The following CHRM3 variants were observed in gnomAD, a reference collection of about 807,000 sequenced individuals.
The protein encoded by CHRM3 is muscarinic acetylcholine receptor M3.
Under a neutral mutation model 41.8 loss-of-function variants are expected in CHRM3, and 11 were observed. That is an observed-to-expected ratio of 0.26 (90% CI 0.17 to 0.44). The LOEUF (loss-of-function observed/expected upper bound fraction) is 0.44, where lower values mean the gene tolerates loss of function less well. CHRM3 is among the 20% of genes least tolerant of loss of function. The pLI is 1.00. For missense variants in CHRM3, 571 were observed against 745.4 expected (o/e 0.77, Z 2.72); for synonymous variants, 297 against 301.4 (o/e 0.99, Z 0.15).
chr1:239,653,607 G>A (rs1234117491), intron 4 of CHRM3, among the ~76,000 whole-genome samples: 7 of 152,136 alleles, frequency 4.6e-5, no homozygotes, highest in African/African-American at 1.7e-4. Context: ...TTTCAAAAAC[G>A]GTCTGAACTT....
rs532997435 is a variant in CHRM3 at position 239,632,236 on chromosome 1, G to A, written c.-300G>A. 7 of 152,236 alleles carry A rather than the reference G, an allele frequency of 4.6e-5. No homozygotes were observed. Among genetic ancestry groups the A allele is most frequent in the African/African-American group, 1.7e-4 (7 of 41,522 alleles). 9.4% of individuals were successfully genotyped at this position (152,236 alleles called of 1,614,324 possible). ...TGTTCTTTTCTAGCACTTGTGTTCT[G>A]ATTAGTGGCCAAATAAATGACAGTC... On this transcript the variant is annotated 5_prime_UTR_variant, in exon 4 of 7. Coordinates refer to ENST00000676153, the MANE Select transcript of CHRM3 (RefSeq NM_001375978.1).
chr1:239,715,471 G>C (rs1481156810), intron 5 of CHRM3, among the ~76,000 whole-genome samples: 1 of 152,104 alleles, frequency 6.6e-6, no homozygotes, highest in Non-Finnish European at 1.5e-5. Flanking sequence ...ACCATGGCTG[G>C]AGTAAAACTA....
In CHRM3 at chr1:239,439,653, A is replaced by T. The variant is rs150611752; in HGVS notation, c.-521+52426A>T. Among the ~76,000 whole-genome samples the T allele has an allele frequency of 5.3e-5, 8 of 152,346 alleles. No homozygotes were observed. In the East Asian group the frequency reaches 1.4e-3, roughly 26 times the overall value. On this transcript the variant is annotated intron_variant, in intron 1 of 6. Coordinates refer to ENST00000676153, the MANE Select transcript of CHRM3 (RefSeq NM_001375978.1). ...CAAAAAACTGATCTTTAAGATCAAG[A>T]TACCAGTTATTAAAGCTCCATTAAG...
chr1:239,874,303 ATATAT>A (rs1676905682), intron 6 of CHRM3, among the ~76,000 whole-genome samples: 1 of 123,996 alleles, frequency 8.1e-6, no homozygotes, highest in Non-Finnish European at 1.6e-5. Context: ...ATATATATAT[ATATAT>A]ATATATATAT....
intron 2 of CHRM3, among the ~76,000 whole-genome samples, chr1:239,509,734 A>G (rs531418340): frequency 6.6e-6 from 1 of 152,324 alleles, no homozygotes; most frequent in South Asian, 2.1e-4. Flanking sequence ...GTGTCTTTTT[A>G]AGCATTAATT....
chr1:239,539,219 A>T (rs1458269024), intron 2 of CHRM3, among the ~76,000 whole-genome samples: 1 of 152,190 alleles, frequency 6.6e-6, no homozygotes, highest in Non-Finnish European at 1.5e-5. Flanking sequence ...TTGTTAAAAG[A>T]TGCTTTGATT....
chr1:239,786,733 G>GC (rs112493720), intron 5 of CHRM3, among the ~76,000 whole-genome samples: 86,814 of 151,612 alleles, frequency 0.57, 26,595 homozygotes, highest in African/African-American at 0.8. Context: ...GCATGCTGCT[G>GC]AAGGTGTCAT....
chr1:239,900,541 G>A (rs566095707), intron 6 of CHRM3, among the ~76,000 whole-genome samples: 1 of 152,054 alleles, frequency 6.6e-6, no homozygotes, highest in South Asian at 2.1e-4. Flanking sequence ...ATGTCTGAAA[G>A]AAGGTGGGAG....
intron 5 of CHRM3, among the ~76,000 whole-genome samples, chr1:239,749,215 A>T (rs1665608990): frequency 1.3e-5 from 2 of 152,336 alleles, no homozygotes; most frequent in South Asian, 2.1e-4. Context: ...TGAAGTAATG[A>T]TTGTAAATGA....
intron 1 of CHRM3, among the ~76,000 whole-genome samples, chr1:239,411,198 C>A (rs1661034246): frequency 6.6e-6 from 1 of 152,134 alleles, no homozygotes; most frequent in Non-Finnish European, 1.5e-5. Flanking sequence ...GAAACAGTGG[C>A]AGGTGACTTC....
Position 239,520,011 on chromosome 1 carries a change from C to T in CHRM3, c.-421-25630C>T, listed in dbSNP as rs956316620. On this transcript the variant is annotated intron_variant, in intron 2 of 6. Transcript: ENST00000676153. The stretch of plus-strand genomic sequence containing the variant: ...ATCTGCTCGCCTCGGCCTCCCAAAG[C>T]GTAAACAACTAGTTCTTACTCTTTC... Among the ~76,000 whole-genome samples the T allele has an allele frequency of 6.6e-5, 10 of 151,892 alleles. 1 individual carries two copies. Among genetic ancestry groups the T allele is most frequent in the African/African-American group, 1.9e-4 (8 of 41,364 alleles).
At chr1:239,559,042 C>T (rs1231245073) in intron 3 of CHRM3, among the ~76,000 whole-genome samples, 1 of 152,126 alleles carries the variant, frequency 6.6e-6, no homozygotes, top group Admixed American at 6.6e-5. Context: ...CCTTTTCCAC[C>T]AATATGCACT....
intron 6 of CHRM3, among the ~76,000 whole-genome samples, chr1:239,893,412 AGAG>A (rs1255640642): frequency 6.6e-6 from 1 of 152,218 alleles, no homozygotes; most frequent in East Asian, 1.9e-4. Context: ...TTACTAGGGC[AGAG>A]ATTAGGAAAT....
chr1:239,787,467 T>A (rs1668996963), intron 5 of CHRM3, among the ~76,000 whole-genome samples: 1 of 152,096 alleles, frequency 6.6e-6, no homozygotes, highest in African/African-American at 2.4e-5. Flanking sequence ...ACATCAGGTC[T>A]TAGAAGCCGA....
rs1420120811 is a variant in CHRM3 at position 239,387,470 on chromosome 1, A to G, written c.-521+243A>G. Among the ~76,000 whole-genome samples, 1 of 151,748 alleles carries G rather than the reference A, an allele frequency of 6.6e-6. No individual in the cohort carries two copies. Among genetic ancestry groups the G allele is most frequent in the Non-Finnish European group, 1.5e-5 (1 of 67,946 alleles). ...GTGCGGAGTTGGAGTTCTGGGACTG[A>G]GGGTGGGGAACGCCCGCTGGCACTC... On this transcript the variant is annotated intron_variant, in intron 1 of 6. Coordinates refer to ENST00000676153, the MANE Select transcript of CHRM3 (RefSeq NM_001375978.1). This position sits in a 1 kb window ranked among gnomAD's most constrained non-coding sequence, Gnocchi z 5.1.
chr1:239,650,433 C>T (rs1053989206), intron 4 of CHRM3, among the ~76,000 whole-genome samples: 6 of 152,088 alleles, frequency 3.9e-5, no homozygotes, highest in Non-Finnish European at 7.3e-5. Flanking sequence ...ATGTCAAGCT[C>T]CTAACACACA....
chr1:239,577,283 T>C (rs1572766795), intron 3 of CHRM3, among the ~76,000 whole-genome samples: 1 of 152,294 alleles, frequency 6.6e-6, no homozygotes, highest in South Asian at 2.1e-4. Context: ...GTTTATTCAC[T>C]GATAAGGTTA....
chr1:239,695,703 AGAG>A (rs1297043915), intron 5 of CHRM3, among the ~76,000 whole-genome samples: 1 of 152,128 alleles, frequency 6.6e-6, no homozygotes, highest in Admixed American at 6.5e-5. Context: ...ACTCATAATT[AGAG>A]GAAAGGAAAA....
chr1:239,743,687 AC>A (rs1235800206), intron 5 of CHRM3, among the ~76,000 whole-genome samples: 1 of 151,492 alleles, frequency 6.6e-6, no homozygotes, highest in Non-Finnish European at 1.5e-5. Context: ...CAAACCATCA[AC>A]CACTAGGTTT....
Sources: gnomAD v4.1 joint callset for allele counts (sites outside exome capture counted in the v4.1 genomes callset) on GRCh38, gnomAD v4.1.1 for gene constraint, Gnocchi (gnomAD v3.1) non-coding constraint, MANE v1.5 for transcripts, NCBI Gene and HGNC (gene_info 2026-07-23, HGNC 2026-07-21) for gene names.